SYNJ2BP: variants seen among roughly 807,000 people sequenced by gnomAD.
SYNJ2BP encodes the protein synaptojanin-2-binding protein.
A neutral mutation model predicts 16.9 loss-of-function variants in SYNJ2BP; 10 were observed. The ratio of observed to expected loss-of-function variants is 0.59; its 90% confidence interval spans 0.36 to 1.00. The LOEUF is 1.00. Ranked by LOEUF, SYNJ2BP falls within the 50% of genes least tolerant of loss-of-function variation. The pLI is 0.01. For synonymous variants in SYNJ2BP, 54 were observed against 68.4 expected (o/e 0.79, Z 1.04); for missense variants, 162 against 186.7 (o/e 0.87, Z 0.77).
chr14:70,385,419 T>C (rs1033147865), intron 2 of SYNJ2BP, among the ~76,000 whole-genome samples: 5 of 152,192 alleles, frequency 3.3e-5, no homozygotes, highest in African/African-American at 9.7e-5. Flanking sequence ...TGCGCTGGCA[T>C]GATCTCAGCT....
At chr14:70,377,652 G>T (rs146584479) in intron 2 of SYNJ2BP, among the ~76,000 whole-genome samples, 1 of 152,010 alleles carries the variant, frequency 6.6e-6, no homozygotes, top group Non-Finnish European at 1.5e-5. Flanking sequence ...CTCTGAATTA[G>T]ATCTATTTCC....
chr14:70,394,505 C>G (rs1272073339), intron 1 of SYNJ2BP, among the ~76,000 whole-genome samples: 4 of 144,378 alleles, frequency 2.8e-5, no homozygotes, highest in Non-Finnish European at 6.0e-5. Context: ...TTAGTGAGCT[C>G]TGGTTATAAT....
Position 70,369,700 on chromosome 14 carries a change from T to C in SYNJ2BP, c.*3291A>G, listed in dbSNP as rs1887476099. ...AAATATTAACTTCCTTTTTCCATTA[T>C]ACATGGCTAGATGGAACAATTAAGT... On this transcript the variant is annotated 3_prime_UTR_variant, in exon 4 of 4. Transcript: ENST00000256366. 1 of 152,226 alleles carries C rather than the reference T, an allele frequency of 6.6e-6. No homozygotes were observed. Among genetic ancestry groups the C allele is most frequent in the Admixed American group, 6.5e-5 (1 of 15,280 alleles). The allele number at this position is 152,226 out of a possible 1,614,324, so 9.4% of individuals were successfully genotyped here.
At chr14:70,407,017 CA>C (rs970541078) in intron 1 of SYNJ2BP, among the ~76,000 whole-genome samples, 12 of 152,242 alleles carry the variant, frequency 7.9e-5, no homozygotes, top group African/African-American at 2.9e-4. Flanking sequence ...AATCATGCCT[CA>C]AAAAAGTTGA....
chr14:70,395,057 A>C (rs1888061494), intron 1 of SYNJ2BP, among the ~76,000 whole-genome samples: 1 of 152,216 alleles, frequency 6.6e-6, no homozygotes, highest in Non-Finnish European at 1.5e-5. Context: ...CTATCTTAGG[A>C]GCTAACTGGT....
At chr14:70,374,755 T>C (rs544038265) in intron 3 of SYNJ2BP, among the ~76,000 whole-genome samples, 1 of 152,264 alleles carries the variant, frequency 6.6e-6, no homozygotes, top group East Asian at 1.9e-4. Context: ...GAAAAGCATA[T>C]AGTGGGTACC....
chr14:70,402,035 C>T (rs72735708), intron 1 of SYNJ2BP, among the ~76,000 whole-genome samples: 4,758 of 152,244 alleles, frequency 0.031, 104 homozygotes, highest in Middle Eastern at 0.075. Flanking sequence ...AGACTTCTAA[C>T]GACTCAGACC....
rs74377465 is a variant in SYNJ2BP at position 70,416,647 on chromosome 14, T to G, written c.64+253A>C. Among the ~76,000 whole-genome samples, 1,344 of 152,270 alleles carry G rather than the reference T, an allele frequency of 8.8e-3. 23 individuals carry two copies. Among genetic ancestry groups the G allele is most frequent in the African/African-American group, 0.03 (1,255 of 41,554 alleles). On this transcript the variant is annotated intron_variant, in intron 1 of 3. Transcript: ENST00000256366. ...TTAAAAAGGCTTTTCTAGCACGATT[T>G]GCACAAAGAACCCCTTCTTGACTAT...
Position 70,368,836 on chromosome 14 carries a change from T to A in SYNJ2BP, c.*4155A>T, listed in dbSNP as rs1018344946. On this transcript the variant is annotated 3_prime_UTR_variant, in exon 4 of 4. Transcript: ENST00000256366. ...TGCACACCAGAATCACTCAATGAAC[T>A]TTATTTTACTGCTGCTTGAGTCCCA... is the stretch of plus-strand genomic sequence containing the variant. 6.6e-6 allele frequency: 1 copy of A among 152,194 alleles called. No homozygotes were observed. The highest frequency in any genetic ancestry group is 1.5e-5 in the Non-Finnish European group (1 of 68,046). The allele number at this position is 152,194 out of a possible 1,614,324, so 9.4% of individuals were successfully genotyped here. A position where few individuals can be genotyped will look rare whatever the true frequency, so the allele number is the denominator to read the frequency against.
Position 70,369,955 on chromosome 14 carries a change from A to AT in SYNJ2BP, c.*3035dup, listed in dbSNP as rs981759453. 2 of 152,172 alleles carry AT rather than the reference A, an allele frequency of 1.3e-5. No homozygotes were observed. Among genetic ancestry groups the AT allele is most frequent in the African/African-American group, 2.4e-5 (1 of 41,432 alleles). The allele number at this position is 152,172 out of a possible 1,614,324, so 9.4% of individuals were successfully genotyped here. On this transcript the variant is annotated 3_prime_UTR_variant, in exon 4 of 4. Transcript: ENST00000256366. ...TAGACTCAATCTATGAAGAACATGA[A>AT]TTTTTTTACAACCTATAATGGATCC...
intron 1 of SYNJ2BP, among the ~76,000 whole-genome samples, chr14:70,399,861 G>C (rs1339792062): frequency 6.6e-6 from 1 of 152,080 alleles, no homozygotes; most frequent in African/African-American, 2.4e-5. Context: ...CCTACCTAAG[G>C]GTCCCCAGTA....
chr14:70,407,154 T>A (rs1888363187), intron 1 of SYNJ2BP, among the ~76,000 whole-genome samples: 1 of 151,986 alleles, frequency 6.6e-6, no homozygotes, highest in Admixed American at 6.6e-5. Flanking sequence ...ACCGGCCAGG[T>A]GCGGTGGCTC....
intron 2 of SYNJ2BP, among the ~76,000 whole-genome samples, chr14:70,381,666 C>A (rs1318622141): frequency 6.6e-6 from 1 of 152,224 alleles, no homozygotes; most frequent in Non-Finnish European, 1.5e-5. Flanking sequence ...CCACCACCAG[C>A]AGCCTTAGCA....
intron 2 of SYNJ2BP, among the ~76,000 whole-genome samples, chr14:70,380,776 C>T (rs999790998): frequency 1.3e-5 from 2 of 151,964 alleles, no homozygotes; most frequent in African/African-American, 4.8e-5. Context: ...TAGTTAGGTG[C>T]CACTTCATTG....
At chr14:70,396,184 T>C (rs1888089498) in intron 1 of SYNJ2BP, among the ~76,000 whole-genome samples, 1 of 152,164 alleles carries the variant, frequency 6.6e-6, no homozygotes, top group Non-Finnish European at 1.5e-5. Context: ...AGTGGCGCGA[T>C]CTCCGCTCAC....
chr14:70,401,552 G>T (rs1888237895), intron 1 of SYNJ2BP, among the ~76,000 whole-genome samples: 1 of 126,166 alleles, frequency 7.9e-6, no homozygotes. Flanking sequence ...AGTCAATTGA[G>T]ACCCCTTTTT....
Position 70,372,744 on chromosome 14 carries a change from T to A in SYNJ2BP, c.*247A>T. ...GTTGTAGCTGAATTTCTATCAAAAG[T>A]CCTAGTAAAATATATAACTCCTCAT... On this transcript the variant is annotated 3_prime_UTR_variant, in exon 4 of 4. Transcript: ENST00000256366. 2.4e-6 allele frequency: 1 copy of A among 415,670 alleles called. No homozygotes were observed. Among genetic ancestry groups the A allele is most frequent in the Non-Finnish European group, 4.1e-6 (1 of 241,230 alleles). 25.7% of individuals were successfully genotyped at this position (415,670 alleles called of 1,614,324 possible).
At chr14:70,401,645 T>G (rs1287885856) in intron 1 of SYNJ2BP, among the ~76,000 whole-genome samples, 2 of 151,450 alleles carry the variant, frequency 1.3e-5, no homozygotes, top group African/African-American at 4.9e-5. Flanking sequence ...AAAACTTCAC[T>G]GGCCTTTTAC....
At chr14:70,389,386 T>C (rs1306006114) in intron 1 of SYNJ2BP, among the ~76,000 whole-genome samples, 1 of 151,336 alleles carries the variant, frequency 6.6e-6, no homozygotes, top group South Asian at 2.1e-4. Context: ...TTTTTTTTTT[T>C]TTTTTTCCAT....
Sources: allele counts gnomAD v4.1 joint callset (sites outside exome capture counted in the v4.1 genomes callset), GRCh38; gene constraint gnomAD v4.1.1; transcripts MANE v1.5; gene names NCBI Gene and HGNC (gene_info 2026-07-23, HGNC 2026-07-21).